CAPN2: variants seen among roughly 807,000 people sequenced by gnomAD.
The protein encoded by CAPN2 is calpain 2, also known as calpain-2 catalytic subunit.
Under a neutral mutation model 102.3 loss-of-function variants are expected in CAPN2, and 92 were observed. That is an observed-to-expected ratio of 0.90 (90% CI 0.76 to 1.07). CAPN2 has a LOEUF of 1.07. Ranked by LOEUF, CAPN2 falls within the 50% of genes least tolerant of loss-of-function variation. The pLI, the probability that CAPN2 is intolerant of heterozygous loss-of-function variation, is 0.00. For synonymous variants in CAPN2, 340 were observed against 355.4 expected (o/e 0.96, Z 0.49); for missense variants, 800 against 909.4 (o/e 0.88, Z 1.55).
At chr1:223,770,605 C>A in intron 18 of CAPN2, 80 bp downstream of exon 18, 2 of 923,868 alleles carry the variant, frequency 2.2e-6, no homozygotes, top group South Asian at 1.5e-5. Flanking sequence ...TACCATATAA[C>A]ACAAGATTTG....
chr1:223,716,869 C>A (rs1659885025), intron 1 of CAPN2, among the ~76,000 whole-genome samples: 1 of 151,992 alleles, frequency 6.6e-6, no homozygotes, highest in Non-Finnish European at 1.5e-5. Context: ...GTTTTAACAC[C>A]CTTGAACGCT....
rs1046117842 is a variant in CAPN2, at chr1:223,768,861, C to G, written c.1756-980C>G. Among the ~76,000 whole-genome samples the G allele has an allele frequency of 2.6e-5, 4 of 151,756 alleles. No homozygotes were observed. In the East Asian group the frequency reaches 7.7e-4, roughly 29 times the overall value. ...ATTTGTTTGTATCCTCTTTTATTTC[C>G]TTGAGCAGTGGTTTGTAGTTCTCCT... On this transcript the variant is annotated intron_variant, in intron 16 of 20. Coordinates refer to ENST00000295006, the MANE Select transcript of CAPN2 (RefSeq NM_001748.5).
intron 12 of CAPN2, among the ~76,000 whole-genome samples, chr1:223,760,416 G>A (rs1265293519): frequency 9.9e-5 from 15 of 152,212 alleles, no homozygotes; most frequent in Admixed American, 9.2e-4. Flanking sequence ...GCATGATGCA[G>A]AAATAATTTC....
Position 223,749,058 on chromosome 1 carries a change from C to A in CAPN2, c.749C>A (p.Ser250Ter), listed in dbSNP as rs927399955. The A allele has an allele frequency of 6.2e-7, 1 of 1,613,936 alleles. No homozygotes were observed. The highest frequency in any genetic ancestry group is 8.5e-7 in the Non-Finnish European group (1 of 1,179,948). Residue 250 changes from serine to a stop codon, truncating the protein, a stop_gained, in exon 6 of 21, where the codon TCG becomes TAG. Coordinates refer to ENST00000295006, the MANE Select transcript of CAPN2 (RefSeq NM_001748.5). LOFTEE classifies it high-confidence loss of function. ...TTGCAGATCACCAGCGCCGCGGACT[C>A]GGAGGCCATCACGTTTCAGAAGCTG... ...CSIDITSAAD[S>*]EAITFQKLVK...
rs902807496 is a variant in CAPN2, at chr1:223,731,603, G to A, written c.308-12497G>A. The stretch of plus-strand genomic sequence containing the variant: ...GTGAGCTCACTGCCTCAGAACCAGC[G>A]CCAGTCTCCTCTAGACTGAGTACAG... On this transcript the variant is annotated intron_variant, in intron 2 of 20. Transcript: ENST00000295006. The surrounding 1 kb of genome is among the most constrained non-coding windows in gnomAD (Gnocchi z 4.2). Among the ~76,000 whole-genome samples the A allele has an allele frequency of 1.6e-4, 24 of 152,178 alleles. No homozygotes were observed. Among genetic ancestry groups the A allele is most frequent in the African/African-American group, 5.8e-4 (24 of 41,432 alleles).
At chr1:223,719,853 A>G (rs1175648126) in intron 2 of CAPN2, among the ~76,000 whole-genome samples, 2 of 149,922 alleles carry the variant, frequency 1.3e-5, no homozygotes, top group Admixed American at 6.6e-5. Flanking sequence ...CGTATAATGC[A>G]GTATTGGTCA....
Position 223,755,646 on chromosome 1 carries a change from T to C in CAPN2, c.1302T>C (p.Tyr434=). 1 of 1,591,892 alleles carries C rather than the reference T, an allele frequency of 6.3e-7. No individual in the cohort carries two copies. Among genetic ancestry groups the C allele is most frequent in the East Asian group, 2.2e-5 (1 of 44,692 alleles). ...EDMHTIGFGI[Y]EVPEELSGQT... is the part of the protein sequence containing the mutation. ...TGCACACCATCGGCTTTGGCATCTA[T>C]GAGGTGCAGAGCGCAGGGGCTCCTG... The change falls in exon 10 of 21, where the codon TAT becomes TAC. Residue 434 remains tyrosine (Y), a synonymous_variant. Transcript: ENST00000295006. This position sits in a 1 kb window ranked among gnomAD's most constrained non-coding sequence, Gnocchi z 4.1.
intron 15 of CAPN2, 40 bp downstream of exon 15, chr1:223,764,247 C>G (rs185269194): frequency 6.4e-7 from 1 of 1,552,900 alleles, no homozygotes; most frequent in Admixed American, 1.7e-5. Flanking sequence ...CCTGCTCTTT[C>G]CCCTGTGGAT....
chr1:223,739,944 A>T (rs1660571332), intron 2 of CAPN2, among the ~76,000 whole-genome samples: 1 of 152,248 alleles, frequency 6.6e-6, no homozygotes, highest in Admixed American at 6.5e-5. Context: ...AGCTCTAAAC[A>T]GGCTTTGCCA....
chr1:223,710,562 A>G (rs1042709028), upstream of CAPN2, among the ~76,000 whole-genome samples: 1 of 152,146 alleles, frequency 6.6e-6, no homozygotes, highest in South Asian at 2.1e-4. Context: ...AAGGTCGGAC[A>G]TGCTTCATTA....
rs1383039960 is a variant in CAPN2 at position 223,759,385 on chromosome 1, C to T, written c.1433C>T (p.Pro478Leu). 4 of 1,614,078 alleles carry T rather than the reference C, an allele frequency of 2.5e-6. No individual in the cohort carries two copies. The highest frequency in any genetic ancestry group is 1.3e-5 in the African/African-American group (1 of 74,930). The change falls in exon 12 of 21, where the codon CCG becomes CTG. Residue 478 changes from proline to leucine, a missense_variant. Pro to Leu is a moderately conservative substitution (Grantham distance 98, BLOSUM62 -3). Coordinates refer to ENST00000295006, the MANE Select transcript of CAPN2 (RefSeq NM_001748.5). The surrounding 1 kb of genome is among the most constrained non-coding windows in gnomAD (Gnocchi z 4.6). ...LREVLNRFKL[P>L]PGEYILVPST... is the part of the protein sequence containing the mutation. ...GAGGTGCTCAACCGCTTCAAGCTGC[C>T]GCCAGGAGAGTACATTCTCGTGCCT... is the stretch of plus-strand genomic sequence containing the variant.
chr1:223,717,230 G>A (rs1182985370), intron 1 of CAPN2, among the ~76,000 whole-genome samples: 1 of 152,186 alleles, frequency 6.6e-6, no homozygotes, highest in Non-Finnish European at 1.5e-5. Flanking sequence ...CAGAGACTCT[G>A]GGACTCAGAC....
rs2102809510 is a variant in CAPN2, at chr1:223,759,550, C to G, written c.1529+69C>G. On this transcript the variant is annotated intron_variant, in intron 12 of 20. Transcript: ENST00000295006. The surrounding 1 kb of genome is among the most constrained non-coding windows in gnomAD (Gnocchi z 4.6). Reference sequence around the variant, plus strand: ...TCCCCACTGGTCTGTTCCTCGGCCCCTAGAGGGCTCTTTCATCCTCTGAAT... The same window carrying G: ...TCCCCACTGGTCTGTTCCTCGGCCCGTAGAGGGCTCTTTCATCCTCTGAAT... 2 of 1,306,330 alleles carry G rather than the reference C, an allele frequency of 1.5e-6. No homozygotes were observed. Among genetic ancestry groups the G allele is most frequent in the East Asian group, 2.3e-5 (1 of 43,010 alleles). 80.9% of individuals were successfully genotyped at this position (1,306,330 alleles called of 1,614,324 possible).
chr1:223,775,146 C>T lies in CAPN2; in HGVS notation c.*289C>T. 2.6e-6 allele frequency: 1 copy of T among 384,436 alleles called. No homozygotes were observed. Among genetic ancestry groups the T allele is most frequent in the Non-Finnish European group, 4.6e-6 (1 of 215,218 alleles). The allele number at this position is 384,436 out of a possible 1,614,324, so 23.8% of individuals were successfully genotyped here. A position where few individuals can be genotyped will look rare whatever the true frequency, so the allele number is the denominator to read the frequency against. ...ATAGTATACACTTTTTACTTTTACA[C>T]ACTTTCCTGTTCATAGCAATATTAA... is the stretch of plus-strand genomic sequence containing the variant. On this transcript the variant is annotated 3_prime_UTR_variant, in exon 21 of 21. Transcript: ENST00000295006.
chr1:223,709,795 C>CA (rs1057046930), upstream of CAPN2, among the ~76,000 whole-genome samples: 1 of 152,262 alleles, frequency 6.6e-6, no homozygotes, highest in South Asian at 2.1e-4. Context: ...TGCAACTAGA[C>CA]AAAAAACTGG....
At chr1:223,703,422 A>T (rs1025084429) in intron 1 of CAPN2, among the ~76,000 whole-genome samples, 3 of 151,564 alleles carry the variant, frequency 2.0e-5, no homozygotes, top group African/African-American at 7.3e-5. Flanking sequence ...GTGCCTGGCC[A>T]TTTGCAAAGC....
In CAPN2 at chr1:223,769,884, T is replaced by C. The variant is rs192780261; in HGVS notation, c.1799T>C (p.Leu600Pro). The change falls in exon 17 of 21, where the codon CTC becomes CCC. Residue 600 changes from leucine to proline, a missense_variant. Coordinates refer to ENST00000295006, the MANE Select transcript of CAPN2 (RefSeq NM_001748.5). ...CTGGGGCTGAAGGAGTTCTACATTC[T>C]CTGGACGAAGATTCAAAAATACCAA... ...GKLGLKEFYI[L>P]WTKIQKYQKI... 2.6e-4 allele frequency: 417 copies of C among 1,607,144 alleles called. 1 individual carries two copies. Among genetic ancestry groups the C allele is most frequent in the Non-Finnish European group, 2.5e-5 (29 of 1,176,582 alleles).
At chr1:223,728,646 T>G (rs1283987900) in intron 2 of CAPN2, among the ~76,000 whole-genome samples, 2 of 152,226 alleles carry the variant, frequency 1.3e-5, no homozygotes, top group Admixed American at 1.3e-4. Context: ...ATTCCTCCCC[T>G]TTGAATAATG....
chr1:223,768,623 TG>T (rs1231621916), intron 16 of CAPN2, among the ~76,000 whole-genome samples: 2 of 151,638 alleles, frequency 1.3e-5, no homozygotes, highest in Non-Finnish European at 3.0e-5. Flanking sequence ...GGTAGTGTGA[TG>T]CCTCCAGCTT....
Sources: gnomAD v4.1 joint callset for allele counts (sites outside exome capture counted in the v4.1 genomes callset) on GRCh38, gnomAD v4.1.1 for gene constraint, Gnocchi (gnomAD v3.1) non-coding constraint, MANE v1.5 for transcripts, NCBI Gene and HGNC (gene_info 2026-07-23, HGNC 2026-07-21) for gene names.